The following VWA3B variants were observed in gnomAD, a reference collection of about 807,000 sequenced individuals.
VWA3B encodes von Willebrand factor A domain-containing protein 3B.
A neutral mutation model predicts 158.3 loss-of-function variants in VWA3B; 138 were observed. The ratio of observed to expected loss-of-function variants is 0.87; its 90% CI spans 0.76 to 1.00. VWA3B has a LOEUF of 1.00. Ranked by LOEUF, VWA3B falls within the 50% of genes least tolerant of loss-of-function variation. VWA3B has a pLI of 0.00. For synonymous variants in VWA3B, 596 were observed against 587.3 expected (o/e 1.01, Z -0.21); for missense variants, 1,555 against 1,565.1 (o/e 0.99, Z 0.11).
At chr2:98,218,152 G>C in intron 14 of VWA3B, 124 bp downstream of exon 14, 3 of 1,106,934 alleles carry the variant, frequency 2.7e-6, no homozygotes, top group Non-Finnish European at 3.7e-6. Flanking sequence ...AAAAAAATGA[G>C]TCGCTTAACA....
chr2:98,298,422 C>CTATTCTATTCTATTA (rs1558773712), intron 24 of VWA3B, among the ~76,000 whole-genome samples: 4 of 151,404 alleles, frequency 2.6e-5, no homozygotes, highest in Non-Finnish European at 5.9e-5. Flanking sequence ...CTATTCTATT[C>CTATTCTATTCTATTA]TATTCTATTC....
intron 21 of VWA3B, among the ~76,000 whole-genome samples, chr2:98,261,226 A>G (rs998913432): frequency 2.6e-5 from 4 of 151,734 alleles, no homozygotes; most frequent in Admixed American, 1.3e-4. Context: ...AATTATAGTT[A>G]ACCTCCTAAA....
chr2:98,221,193 G>C (rs1684472961), intron 14 of VWA3B, among the ~76,000 whole-genome samples: 1 of 151,928 alleles, frequency 6.6e-6, no homozygotes, highest in East Asian at 1.9e-4. Context: ...CCTTGGCAAT[G>C]AGTCCTTGGG....
chr2:98,187,846 C>T, intron 9 of VWA3B, 129 bp from the exon 10 acceptor site: 1 of 1,014,340 alleles, frequency 9.9e-7, no homozygotes, highest in Non-Finnish European at 1.4e-6. Flanking sequence ...GTTGAACTAA[C>T]AAAGGAATGA....
rs180818846 is a variant in VWA3B at position 98,189,332 on chromosome 2, G to A, written c.1466+1203G>A. ...TGAGGCAGGAGAATCGCTTGAACCC[G>A]GGAGGCGGAGCTTGCAGATCGCACT... is the stretch of plus-strand genomic sequence containing the variant. On this transcript the variant is annotated intron_variant, in intron 10 of 27. Coordinates refer to ENST00000477737, the MANE Select transcript of VWA3B (RefSeq NM_144992.5). Among the ~76,000 whole-genome samples, 13 of 152,294 alleles carry A rather than the reference G, an allele frequency of 8.5e-5. No individual in the cohort carries two copies. In the East Asian group the frequency reaches 1.9e-3, roughly 23 times the overall value.
intron 10 of VWA3B, among the ~76,000 whole-genome samples, chr2:98,188,388 A>G (rs2105393806): frequency 6.6e-6 from 1 of 152,272 alleles, no homozygotes; most frequent in South Asian, 2.1e-4. Flanking sequence ...TTTTAAAAAT[A>G]TACATAAATT....
At chr2:98,280,586 G>A (rs977822794) in intron 22 of VWA3B, among the ~76,000 whole-genome samples, 1 of 152,242 alleles carries the variant, frequency 6.6e-6, no homozygotes, top group Non-Finnish European at 1.5e-5. Flanking sequence ...CAGCTGGGAT[G>A]AGGCTGAGGC....
chr2:98,100,302 C>T (rs1682992810), intron 2 of VWA3B, among the ~76,000 whole-genome samples: 1 of 152,204 alleles, frequency 6.6e-6, no homozygotes, highest in African/African-American at 2.4e-5. Flanking sequence ...CATTGCAGCA[C>T]TAGGGGGTGT....
chr2:98,270,357 G>A (rs909155752), intron 21 of VWA3B, among the ~76,000 whole-genome samples: 1 of 152,132 alleles, frequency 6.6e-6, no homozygotes, highest in African/African-American at 2.4e-5. Flanking sequence ...CAGATGTCAG[G>A]CTCCAAATAC....
At chr2:98,160,275 A>C (rs1361511143) in intron 7 of VWA3B, among the ~76,000 whole-genome samples, 1 of 152,288 alleles carries the variant, frequency 6.6e-6, no homozygotes, top group East Asian at 1.9e-4. Flanking sequence ...GTGCATTGTC[A>C]TGATGCTTTT....
Position 98,311,929 on chromosome 2 carries a change from C to T in VWA3B, c.3632C>T (p.Pro1211Leu), listed in dbSNP as rs760974642. Residue 1211 changes from proline to leucine, a missense_variant, in exon 27 of 28, where the codon CCC becomes CTC. Transcript: ENST00000477737. ...GAGAAGCCCAGGAGGAAAAAGAGGC[C>T]CGCCAAGCAGCCACTCCAGCAGGCG... is the stretch of plus-strand genomic sequence containing the variant. ...RREKPRRKKRPAKQPLQQAAP... is the reference protein window; with the variant it reads ...RREKPRRKKRLAKQPLQQAAP... The T allele has an allele frequency of 2.4e-5, 38 of 1,607,396 alleles. No homozygotes were observed. The African/African-American group carries it at 4.3e-4, about 18-fold the overall frequency.
intron 7 of VWA3B, among the ~76,000 whole-genome samples, chr2:98,136,084 A>G (rs1676260994): frequency 6.6e-6 from 1 of 152,184 alleles, no homozygotes; most frequent in Non-Finnish European, 1.5e-5. Context: ...TTTTCTGGCA[A>G]TGTGAAGGAA....
chr2:98,292,655 A>G (rs544012682), intron 23 of VWA3B, among the ~76,000 whole-genome samples: 315 of 152,224 alleles, frequency 2.1e-3, no homozygotes, highest in African/African-American at 7.2e-3. Flanking sequence ...TGGCTAAACT[A>G]GTAGTCGAAT....
intron 2 of VWA3B, among the ~76,000 whole-genome samples, chr2:98,114,625 C>A (rs1674387424): frequency 6.6e-6 from 1 of 152,118 alleles, no homozygotes. Context: ...CTGTCTCCCA[C>A]CTTTGGGACT....
intron 26 of VWA3B, among the ~76,000 whole-genome samples, chr2:98,311,526 T>C (rs919446993): frequency 2.6e-5 from 4 of 152,166 alleles, no homozygotes; most frequent in East Asian, 3.9e-4. Context: ...CTGAGGAGTT[T>C]CCAGGGGCTT....
chr2:98,253,272 G>A (rs78215640), intron 20 of VWA3B, among the ~76,000 whole-genome samples: 20,429 of 152,116 alleles, frequency 0.13, 2,094 homozygotes, highest in Non-Finnish European at 0.2. Context: ...AAAGATAAGC[G>A]AGATGTAACT....
intron 13 of VWA3B, 36 bp downstream of exon 13, chr2:98,212,064 T>C (rs773426337): frequency 1.9e-6 from 3 of 1,585,470 alleles, no homozygotes; most frequent in Non-Finnish European, 1.7e-6. Context: ...AGGGCCTCAC[T>C]GATGCTCTGA....
intron 22 of VWA3B, among the ~76,000 whole-genome samples, chr2:98,273,401 T>G (rs1688324504): frequency 6.6e-6 from 1 of 152,270 alleles, no homozygotes; most frequent in African/African-American, 2.4e-5. Context: ...GAAGGTCATA[T>G]GTCTAGTAAT....
At chr2:98,137,437 T>C (rs1343957191) in intron 7 of VWA3B, among the ~76,000 whole-genome samples, 2 of 152,178 alleles carry the variant, frequency 1.3e-5, no homozygotes, top group Non-Finnish European at 2.9e-5. Flanking sequence ...AATTTTGACA[T>C]AATATTTTAA....
Sources: allele counts gnomAD v4.1 joint callset (sites outside exome capture counted in the v4.1 genomes callset), GRCh38; gene constraint gnomAD v4.1.1; transcripts MANE v1.5; gene names NCBI Gene and HGNC (gene_info 2026-07-23, HGNC 2026-07-21).